The following DISC1 variants were observed in gnomAD, a reference collection of about 807,000 sequenced individuals.
The protein encoded by DISC1 is disrupted in schizophrenia 1 protein.
Under a neutral mutation model 84.5 loss-of-function variants are expected in DISC1, and 57 were observed. The observed-to-expected ratio is 0.67, with a 90% confidence interval of 0.55 to 0.84. The LOEUF (loss-of-function observed/expected upper bound fraction) is 0.84, where lower values mean the gene tolerates loss of function less well. DISC1 is among the 40% of genes least tolerant of loss of function. DISC1 has a pLI of 0.00. For synonymous variants in DISC1, 411 were observed against 415.2 expected (o/e 0.99, Z 0.12); for missense variants, 1,000 against 1,057.8 (o/e 0.95, Z 0.76).
At chr1:231,840,931 A>T (rs2083005794) in intron 9 of DISC1, among the ~76,000 whole-genome samples, 1 of 152,066 alleles carries the variant, frequency 6.6e-6, no homozygotes, top group African/African-American at 2.4e-5. Flanking sequence ...AATTTTAAAA[A>T]CTTGAAGACA....
chr1:231,803,745 A>C (rs978755772), intron 8 of DISC1, among the ~76,000 whole-genome samples: 1 of 151,946 alleles, frequency 6.6e-6, no homozygotes, highest in African/African-American at 2.4e-5. Context: ...TCAGGAGATC[A>C]AGACCATCCT....
chr1:231,767,141 G>A lies in DISC1; in HGVS notation c.1270G>A (p.Ala424Thr), dbSNP rs746021282. The change falls in exon 5 of 13, where the codon GCC (alanine) becomes ACC (threonine). Residue 424 changes from alanine (A) to threonine (T), a missense_variant and splice_region_variant. This residue lies in a region of DISC1 where 311 missense variants were observed against 400.1 expected (regional missense o/e 0.78). Transcript: ENST00000439617. ...AALRRGATQQ[A>T]SGDDTHTPLR... ...CCAATAGGTATGTGTTGTTTTAAGG[G>A]CCAGCGGAGATGACACCCACACCCC... The A allele has an allele frequency of 3.1e-6, 5 of 1,614,160 alleles. No homozygotes were observed. In the South Asian group the frequency reaches 5.5e-5, roughly 18 times the overall value.
chr1:231,967,827 A>G (rs1174060741), intron 10 of DISC1, among the ~76,000 whole-genome samples: 1 of 152,238 alleles, frequency 6.6e-6, no homozygotes, highest in East Asian at 1.9e-4. Flanking sequence ...TATGCTTAAA[A>G]TAATAATGCA....
At chr1:231,916,561 A>G (rs1225193461) in intron 9 of DISC1, among the ~76,000 whole-genome samples, 3 of 148,198 alleles carry the variant, frequency 2.0e-5, no homozygotes, top group Non-Finnish European at 4.5e-5. Context: ...AGGCTGAGGC[A>G]GGAGAATGGC....
At chr1:231,720,703 A>T in intron 3 of DISC1, 1 of 544,792 alleles carries the variant, frequency 1.8e-6, no homozygotes, top group Non-Finnish European at 3.0e-6. Context: ...TTAGTTTTCT[A>T]CCACTGGGTG....
chr1:231,740,595 T>G (rs2073128316), intron 3 of DISC1, among the ~76,000 whole-genome samples: 2 of 152,188 alleles, frequency 1.3e-5, no homozygotes, highest in African/African-American at 4.8e-5. Flanking sequence ...TGAGAAGATT[T>G]TGTATTACAG....
Position 232,009,271 on chromosome 1 carries a change from G to C in DISC1, c.2307+222G>C, listed in dbSNP as rs575223569. The C allele has an allele frequency of 1.5e-6, 2 of 1,345,444 alleles. No individual in the cohort carries two copies. Among genetic ancestry groups the C allele is most frequent in the Non-Finnish European group, 1.9e-6 (2 of 1,048,332 alleles). The allele number at this position is 1,345,444 out of a possible 1,614,324, so 83.3% of individuals were successfully genotyped here. On this transcript the variant is annotated intron_variant, in intron 11 of 12. Coordinates refer to ENST00000439617, the MANE Select transcript of DISC1 (RefSeq NM_018662.3). This position sits in a 1 kb window ranked among gnomAD's most constrained non-coding sequence, Gnocchi z 4.6. ...AAAAACCCAACTTTTGGCATATTTA[G>C]TTCCATTTTCATTCTAATTTAGTGG...
At chr1:231,645,953 C>T (rs1216677751) in intron 1 of DISC1, among the ~76,000 whole-genome samples, 2 of 149,722 alleles carry the variant, frequency 1.3e-5, no homozygotes, top group African/African-American at 4.9e-5. Flanking sequence ...TCTAGAACTA[C>T]AGAGAAGAAA....
At chr1:231,699,834 G>C (rs1197362339) in intron 2 of DISC1, among the ~76,000 whole-genome samples, 2 of 152,166 alleles carry the variant, frequency 1.3e-5, no homozygotes, top group Non-Finnish European at 2.9e-5. Flanking sequence ...CTCATTACCT[G>C]TGTGACCTCA....
At chr1:231,855,064 A>G in intron 9 of DISC1, 1 of 994,232 alleles carries the variant, frequency 1.0e-6, no homozygotes, top group Non-Finnish European at 1.2e-6. Flanking sequence ...AAAATAAGAA[A>G]TTCTAGGTAA....
chr1:231,852,960 A>G (rs1345958816), intron 9 of DISC1, among the ~76,000 whole-genome samples: 1 of 152,244 alleles, frequency 6.6e-6, no homozygotes, highest in East Asian at 1.9e-4. Flanking sequence ...TATGCCACAT[A>G]GCTATGGATT....
At chr1:231,844,247 T>C (rs1267955798) in intron 9 of DISC1, among the ~76,000 whole-genome samples, 1 of 152,210 alleles carries the variant, frequency 6.6e-6, no homozygotes, top group Non-Finnish European at 1.5e-5. Flanking sequence ...ACAGCCCCTC[T>C]TCCTTTCAGA....
At chr1:231,773,331 T>C (rs2076696730) in intron 6 of DISC1, among the ~76,000 whole-genome samples, 1 of 152,226 alleles carries the variant, frequency 6.6e-6, no homozygotes, top group Non-Finnish European at 1.5e-5. Flanking sequence ...AAGGCATGAA[T>C]GTGTGACTTT....
At chr1:231,906,592 G>A (rs6674992) in intron 9 of DISC1, among the ~76,000 whole-genome samples, 3,048 of 152,292 alleles carry the variant, frequency 0.02, 130 homozygotes, top group African/African-American at 0.069. Context: ...GAAAAGTCAG[G>A]CCAGTGTGCT....
intron 1 of DISC1, among the ~76,000 whole-genome samples, chr1:231,653,000 G>A (rs557693546): frequency 6.6e-6 from 1 of 152,208 alleles, no homozygotes; most frequent in East Asian, 1.9e-4. Context: ...GGCTGGTCTT[G>A]AACTCCTGAC....
At chr1:231,809,944 A>G (rs201640935) in intron 8 of DISC1, among the ~76,000 whole-genome samples, 11 of 152,288 alleles carry the variant, frequency 7.2e-5, no homozygotes, top group South Asian at 4.1e-4. Context: ...AATTTTGCTT[A>G]TTTGTTATTA....
intron 9 of DISC1, among the ~76,000 whole-genome samples, chr1:231,853,447 G>A (rs1399743506): frequency 6.6e-6 from 1 of 152,148 alleles, no homozygotes; most frequent in Non-Finnish European, 1.5e-5. Context: ...AATACTGTAG[G>A]CAATTGTCAC....
At chr1:231,659,181 A>G (rs1572590952) in intron 1 of DISC1, among the ~76,000 whole-genome samples, 1 of 152,066 alleles carries the variant, frequency 6.6e-6, no homozygotes, top group African/African-American at 2.4e-5. Flanking sequence ...CTATTCAGAG[A>G]TTCAATTTCT....
intron 9 of DISC1, among the ~76,000 whole-genome samples, chr1:231,916,537 C>T (rs909227541): frequency 9.3e-5 from 14 of 150,084 alleles, no homozygotes; most frequent in South Asian, 4.2e-4. Flanking sequence ...CGCCTGTAGT[C>T]CCAGCTACTC....
Sources: gnomAD v4.1 joint callset for allele counts (sites outside exome capture counted in the v4.1 genomes callset) on GRCh38, gnomAD v4.1.1 for gene constraint, gnomAD v4.1.1 regional missense constraint, Gnocchi (gnomAD v3.1) non-coding constraint, MANE v1.5 for transcripts, NCBI Gene and HGNC (gene_info 2026-07-23, HGNC 2026-07-21) for gene names.